QARS1: variants seen among roughly 807,000 people sequenced by gnomAD.
QARS1 encodes glutaminyl-tRNA synthetase 1.
In QARS1, 79 loss-of-function variants were observed where a neutral mutation model predicts 106.9. That is an observed-to-expected ratio of 0.74 (90% CI 0.62 to 0.89). The LOEUF is 0.89. Among genes scored for constraint, QARS1 ranks in the 40% least tolerant of loss-of-function variants. QARS1 has a pLI of 0.00. For synonymous variants in QARS1, 395 were observed against 367.7 expected (o/e 1.07, Z -0.85); for missense variants, 966 against 997.2 (o/e 0.97, Z 0.42).
Position 49,097,983 on chromosome 3 carries a change from G to C in QARS1, c.2277+9C>G. The C allele has an allele frequency of 6.2e-7, 1 of 1,614,104 alleles. No homozygotes were observed. The highest frequency in any genetic ancestry group is 8.5e-7 in the Non-Finnish European group (1 of 1,179,982). ...CTGCAGATGAGGGCAGGTGAGTAAA[G>C]TCAAGCACCTTTCCCTGATGGCTGT... On this transcript the variant is annotated intron_variant, in intron 23 of 23. Transcript: ENST00000306125.
Position 49,098,410 on chromosome 3 carries a change from G to C in QARS1, c.2027C>G (p.Ala676Gly), listed in dbSNP as rs1212733559. 2.5e-6 allele frequency: 4 copies of C among 1,614,186 alleles called. No individual in the cohort carries two copies. The highest frequency in any genetic ancestry group is 3.4e-6 in the Non-Finnish European group (4 of 1,180,046). ...AGGCTGTGACACCCAGTGAATAAAG[G>C]CCTTTGGCTTCTCTCCAGCATCTGC... ...RRADAGEKPK[A>G]FIHWVSQPLM... Residue 676 changes from alanine (A) to glycine (G), a missense_variant, in exon 21 of 24, where the codon GCC becomes GGC. Coordinates refer to ENST00000306125, the MANE Select transcript of QARS1 (RefSeq NM_005051.3).
intron 5 of QARS1, 60 bp downstream of exon 5, chr3:49,103,285 A>G: frequency 6.4e-7 from 1 of 1,567,928 alleles, no homozygotes; most frequent in Non-Finnish European, 8.8e-7. Context: ...CCCTTAGTGG[A>G]TTCCAGGCTC....
In QARS1 at chr3:49,104,446, A is replaced by G. The variant is rs201397059; in HGVS notation, c.143T>C (p.Ile48Thr). ...TQAQQTLGST[I>T]DKATGILLYG... ...TAACAGGATCCCGGTAGCTTTGTCA[A>G]TGGTGGAACCCAGGGTCTGCTGAGC... is the stretch of plus-strand genomic sequence containing the variant. The change falls in exon 2 of 24, where the codon ATT becomes ACT. Residue 48 changes from isoleucine to threonine, a missense_variant. Ile to Thr is a moderately conservative substitution (Grantham distance 89). Coordinates refer to ENST00000306125, the MANE Select transcript of QARS1 (RefSeq NM_005051.3). 73 of 1,614,148 alleles carry G rather than the reference A, an allele frequency of 4.5e-5. No individual in the cohort carries two copies. In the African/African-American group the frequency reaches 5.1e-4, roughly 11 times the overall value.
At chr3:49,098,513 C>G in intron 20 of QARS1, 33 bp from the exon 21 acceptor site, 1 of 1,613,818 alleles carries the variant, frequency 6.2e-7, no homozygotes, top group Non-Finnish European at 8.5e-7. Flanking sequence ...AGCAATTAGA[C>G]CCGGGAACCA....
rs759787877 is a variant in QARS1, at chr3:49,104,055, G to C, written c.266-83C>G. The stretch of plus-strand genomic sequence containing the variant: ...GGGTCCTAATCTCATGAAACTCCAA[G>C]GATAGTCTGGCCTCCTGAAAAGTTA... On this transcript the variant is annotated intron_variant, in intron 2 of 23. Transcript: ENST00000306125. 4 of 1,327,296 alleles carry C rather than the reference G, an allele frequency of 3.0e-6. No individual in the cohort carries two copies. In the South Asian group the frequency reaches 4.9e-5, roughly 16 times the overall value. 82.2% of individuals were successfully genotyped at this position (1,327,296 alleles called of 1,614,324 possible). A position where few individuals can be genotyped will look rare whatever the true frequency, so the allele number is the denominator to read the frequency against.
chr3:49,102,135 T>A, intron 7 of QARS1, 70 bp downstream of exon 7: 1 of 1,592,030 alleles, frequency 6.3e-7, no homozygotes, highest in Non-Finnish European at 8.6e-7. Context: ...GAGGAGCCTG[T>A]AAGGACTCTT....
rs761573152 is a variant in QARS1 at position 49,103,346 on chromosome 3, T to A, written c.515A>T (p.Gln172Leu). The A allele has an allele frequency of 1.2e-6, 2 of 1,613,996 alleles. No individual in the cohort carries two copies. Among genetic ancestry groups the A allele is most frequent in the East Asian group, 4.5e-5 (2 of 44,878 alleles). Residue 172 changes from glutamine (Q) to leucine (L), a missense_variant and splice_region_variant, in exon 5 of 24, where the codon CAG becomes CTG. Transcript: ENST00000306125. The part of the protein sequence containing the change: ...GKMIKNEVDM[Q>L]VLHLLGPKLE... ...TTCAGCTTAGTGAAGCACGCTCACC[T>A]GCATGTCCACTTCATTCTTGATCAT...
At chr3:49,098,303 C>T in intron 21 of QARS1, 45 bp from the exon 22 acceptor site, 1 of 1,614,220 alleles carries the variant, frequency 6.2e-7, no homozygotes, top group East Asian at 2.2e-5. Context: ...GCAGCCATAG[C>T]AGGCAATGTG....
chr3:49,099,746 A>G lies in QARS1; in HGVS notation c.1388+15T>C. ...TTCCACTGGCCCTACCACCCCATGGACCCAGCTCCCTCACCGGGCCTGGAA... is the reference window on the plus strand; with the variant it reads ...TTCCACTGGCCCTACCACCCCATGGGCCCAGCTCCCTCACCGGGCCTGGAA... On this transcript the variant is annotated intron_variant, in intron 15 of 23. Transcript: ENST00000306125. The G allele has an allele frequency of 5.0e-6, 8 of 1,613,768 alleles. No individual in the cohort carries two copies. Among genetic ancestry groups the G allele is most frequent in the Non-Finnish European group, 6.8e-6 (8 of 1,179,860 alleles).
At position 49,100,408 on chromosome 3, in the gene QARS1, A is replaced by G. The variant is rs148533374; in HGVS notation, c.1027T>C (p.Tyr343His). The change falls in exon 12 of 24, where the codon TAT becomes CAT. Residue 343 changes from tyrosine (Y) to histidine (H), a missense_variant. Transcript: ENST00000306125. ...CGGATGAGCTCCACAGCCCACGCAT[A>G]TAGCTGGTCAAAATAGTCAGACGCA... ...TYASDYFDQL[Y>H]AWAVELIRRG... 5.6e-6 allele frequency: 9 copies of G among 1,614,144 alleles called. No individual in the cohort carries two copies. In the East Asian group the frequency reaches 1.8e-4, roughly 32 times the overall value.
intron 7 of QARS1, 41 bp downstream of exon 7, chr3:49,102,164 C>G (rs750345268): frequency 6.2e-6 from 10 of 1,613,408 alleles, no homozygotes; most frequent in Admixed American, 5.0e-5. Flanking sequence ...GTTCAGAAGT[C>G]AGGGAGCTGA....
Position 49,098,639 on chromosome 3 carries a change from C to A in QARS1, c.1917G>T (p.Arg639Ser). The A allele has an allele frequency of 1.2e-6, 2 of 1,611,652 alleles. No homozygotes were observed. The highest frequency in any genetic ancestry group is 1.7e-6 in the Non-Finnish European group (2 of 1,178,862). The change falls in exon 20 of 24, where the codon AGG (arginine) becomes AGT (serine). Residue 639 changes from arginine to serine, a missense_variant. Arg to Ser is a moderately radical substitution (Grantham distance 110, BLOSUM62 -1). Coordinates refer to ENST00000306125, the MANE Select transcript of QARS1 (RefSeq NM_005051.3). The stretch of plus-strand genomic sequence containing the variant: ...GCAGCTCAATGACGTAGCCTGTATG[C>A]CTCAGGCCCACAGGCTGGCCCCAAG... The part of the protein sequence containing the change: ...RLAWGQPVGL[R>S]HTGYVIELQH...
chr3:49,100,159 C>T, intron 13 of QARS1, 31 bp downstream of exon 13: 1 of 1,614,238 alleles, frequency 6.2e-7, no homozygotes, highest in Admixed American at 1.7e-5. Context: ...CCTTGGCCCA[C>T]CCAAACCCAG....
Position 49,101,722 on chromosome 3 carries a change from A to T in QARS1, c.704-17T>A. 1 of 1,613,966 alleles carries T rather than the reference A, an allele frequency of 6.2e-7. No homozygotes were observed. Among genetic ancestry groups the T allele is most frequent in the Non-Finnish European group, 8.5e-7 (1 of 1,179,906 alleles). ...AGTTCTCACCTGCCAGGACCAGAATAAGCCTAAGGACCAGGCTGCAGCCAA... is the reference window on the plus strand; with the variant it reads ...AGTTCTCACCTGCCAGGACCAGAATTAGCCTAAGGACCAGGCTGCAGCCAA... On this transcript the variant is annotated splice_polypyrimidine_tract_variant and intron_variant, in intron 8 of 23. Coordinates refer to ENST00000306125, the MANE Select transcript of QARS1 (RefSeq NM_005051.3).
At chr3:49,098,720 T>C in intron 19 of QARS1, 28 bp from the exon 20 acceptor site, 1 of 1,562,974 alleles carries the variant, frequency 6.4e-7, no homozygotes, top group Non-Finnish European at 8.7e-7. Context: ...GGTAGACACA[T>C]GAGGCTGCAA....
chr3:49,098,559 C>G (rs1305142382), intron 20 of QARS1, 41 bp downstream of exon 20: 1 of 1,609,288 alleles, frequency 6.2e-7, no homozygotes, highest in East Asian at 2.2e-5. Context: ...CATCTTGGCC[C>G]CAGCAGGCAC....
rs765035500 is a variant in QARS1, at chr3:49,099,496, A to G, written c.1526+14T>C. The G allele has an allele frequency of 2.5e-6, 4 of 1,614,166 alleles. No homozygotes were observed. Among genetic ancestry groups the G allele is most frequent in the Non-Finnish European group, 3.4e-6 (4 of 1,180,020 alleles). On this transcript the variant is annotated intron_variant, in intron 16 of 23. Coordinates refer to ENST00000306125, the MANE Select transcript of QARS1 (RefSeq NM_005051.3). ...ATGCCATTAACCTTTCATAAGCCAA[A>G]CAGCCGCACCTACCGCACAGCACCA...
In QARS1 at chr3:49,103,901, C is replaced by G. The variant is rs767616063; in HGVS notation, c.337G>C (p.Val113Leu). The G allele has an allele frequency of 1.2e-6, 2 of 1,614,062 alleles. No homozygotes were observed. Among genetic ancestry groups the G allele is most frequent in the Non-Finnish European group, 1.7e-6 (2 of 1,180,028 alleles). ...TGCTCTGGGGTCACAATGACACCCA[C>G]GCCACATTCCCGCTCGAAGTCCACA... is the stretch of plus-strand genomic sequence containing the variant. ...DTVDFERECG[V>L]GVIVTPEQIE... is the part of the protein sequence containing the mutation. Residue 113 changes from valine (V) to leucine (L), a missense_variant, in exon 3 of 24, where the codon GTG becomes CTG. Val to Leu is a conservative substitution (Grantham distance 32). Coordinates refer to ENST00000306125, the MANE Select transcript of QARS1 (RefSeq NM_005051.3).
chr3:49,104,570 G>A, intron 1 of QARS1, 47 bp downstream of exon 1: 10 of 1,597,056 alleles, frequency 6.3e-6, no homozygotes, highest in South Asian at 2.2e-5. Flanking sequence ...CCCGCGCTGC[G>A]TTGCAGCATG....
Sources: gnomAD v4.1 joint callset for allele counts on GRCh38, gnomAD v4.1.1 for gene constraint, MANE v1.5 for transcripts, NCBI Gene and HGNC (gene_info 2026-07-23, HGNC 2026-07-21) for gene names.